The following CTNND2 variants were observed in gnomAD, a reference collection of about 807,000 sequenced individuals.
The protein encoded by CTNND2 is catenin delta 2, also known as catenin delta-2.
CTNND2 carries 22 observed loss-of-function variants against 144.4 expected under a neutral mutation model. That is an observed-to-expected ratio of 0.15 (90% CI 0.11 to 0.22). The LOEUF (loss-of-function observed/expected upper bound fraction) is 0.22, where lower values mean the gene tolerates loss of function less well. CTNND2 is among the 10% of genes least tolerant of loss of function. The pLI is 1.00. For missense variants in CTNND2, 1,353 were observed against 1,618.8 expected, an observed-to-expected ratio of 0.84 and a Z score of 2.82; for synonymous variants, 751 against 695.6, an observed-to-expected ratio of 1.08 and a Z score of -1.25.
At chr5:11,341,306 C>A (rs1291519048) in intron 9 of CTNND2, among the ~76,000 whole-genome samples, 1 of 152,166 alleles carries the variant, frequency 6.6e-6, no homozygotes, top group African/African-American at 2.4e-5. Flanking sequence ...TAAACTAGTG[C>A]ATAAGGCTTG....
intron 1 of CTNND2, among the ~76,000 whole-genome samples, chr5:11,803,224 G>A (rs1288712684): frequency 3.3e-5 from 5 of 152,132 alleles, no homozygotes; most frequent in African/African-American, 1.2e-4. Flanking sequence ...GGAGGCTGAG[G>A]CAGGAGAATC....
intron 1 of CTNND2, among the ~76,000 whole-genome samples, chr5:11,836,948 G>A (rs1794216878): frequency 6.6e-6 from 1 of 152,188 alleles, no homozygotes; most frequent in East Asian, 1.9e-4. Context: ...GCCGCTCTGG[G>A]AAAGGTGGTC....
chr5:11,364,662 G>T (rs1211119967), intron 8 of CTNND2, 34 bp downstream of exon 8: 3 of 1,563,968 alleles, frequency 1.9e-6, no homozygotes, highest in South Asian at 1.2e-5. Context: ...CACCCCCTGT[G>T]GACAGGCCAC....
rs1193673592 is a variant in CTNND2, at chr5:11,874,077, A to G, written c.37+29740T>C. On this transcript the variant is annotated intron_variant, in intron 1 of 21. Coordinates refer to ENST00000304623, the MANE Select transcript of CTNND2 (RefSeq NM_001332.4). ...ATATTTACAGCCTTAGTTTGAGAGC[A>G]AAGAAAAACAAACAGAAACGCTGGA... Among the ~76,000 whole-genome samples, 3 of 143,454 alleles carry G rather than the reference A, an allele frequency of 2.1e-5. No homozygotes were observed. The Admixed American group carries it at 2.1e-4, about 10-fold the overall frequency. The allele number at this position is 143,454 out of a possible 152,430, so 94.1% of individuals were successfully genotyped here.
At chr5:11,227,912 A>G (rs1372930609) in intron 10 of CTNND2, among the ~76,000 whole-genome samples, 1 of 152,184 alleles carries the variant, frequency 6.6e-6, no homozygotes, top group East Asian at 1.9e-4. Flanking sequence ...TTTTCTGGCA[A>G]CTTCTAATTT....
intron 20 of CTNND2, among the ~76,000 whole-genome samples, chr5:10,987,032 C>G (rs1213534524): frequency 6.6e-6 from 1 of 151,940 alleles, no homozygotes; most frequent in Non-Finnish European, 1.5e-5. Context: ...TTTATGAATG[C>G]TCTAACATGG....
Position 11,042,549 on chromosome 5 carries a change from T to C in CTNND2, c.2789-19570A>G, listed in dbSNP as rs149255684. 2.0e-5 allele frequency among the ~76,000 whole-genome samples: 3 copies of C among 152,374 alleles called. No individual in the cohort carries two copies. In the East Asian group the frequency reaches 5.8e-4, roughly 29 times the overall value. On this transcript the variant is annotated intron_variant, in intron 16 of 21. Coordinates refer to ENST00000304623, the MANE Select transcript of CTNND2 (RefSeq NM_001332.4). Reference sequence around the variant, plus strand: ...TGGTTCTCAAACAGAGGAAGTTCACTGTACGAAACTCATGTAATTTTGTTG... The same window carrying C: ...TGGTTCTCAAACAGAGGAAGTTCACCGTACGAAACTCATGTAATTTTGTTG...
chr5:11,073,339 T>C (rs1311547824), intron 16 of CTNND2, among the ~76,000 whole-genome samples: 1 of 152,228 alleles, frequency 6.6e-6, no homozygotes. Flanking sequence ...TCCTCTTTTC[T>C]AAAGCTTTTC....
chr5:11,776,179 C>CA (rs1464014048), intron 1 of CTNND2, among the ~76,000 whole-genome samples: 1 of 152,054 alleles, frequency 6.6e-6, no homozygotes, highest in African/African-American at 2.4e-5. Context: ...TAGTAGGAAA[C>CA]AAATACAGCT....
chr5:11,121,583 T>C (rs953768093), intron 12 of CTNND2, among the ~76,000 whole-genome samples: 15 of 148,672 alleles, frequency 1.0e-4, no homozygotes, highest in Admixed American at 9.9e-4. Context: ...AATGAAACAA[T>C]TCATTTTTAT....
chr5:11,878,267 A>G (rs1351160906), intron 1 of CTNND2, among the ~76,000 whole-genome samples: 1 of 152,114 alleles, frequency 6.6e-6, no homozygotes, highest in Non-Finnish European at 1.5e-5. Context: ...AATATTACAC[A>G]TTTTCTGGCT....
intron 3 of CTNND2, among the ~76,000 whole-genome samples, chr5:11,523,078 C>A (rs1379592295): frequency 6.6e-6 from 1 of 152,120 alleles, no homozygotes; most frequent in African/African-American, 2.4e-5. Context: ...AGTTTTTCTA[C>A]AAAAGTTTCC....
Position 11,071,660 on chromosome 5 carries a change from G to A in CTNND2, c.2788+11036C>T, listed in dbSNP as rs77711675. Among the ~76,000 whole-genome samples the A allele has an allele frequency of 2.4e-3, 362 of 152,116 alleles. 15 individuals carry two copies. In the East Asian group the frequency reaches 0.061, roughly 25 times the overall value. On this transcript the variant is annotated intron_variant, in intron 16 of 21. Coordinates refer to ENST00000304623, the MANE Select transcript of CTNND2 (RefSeq NM_001332.4). ...GTCTGTAACTGGAGTACCTTGCAAA[G>A]GTAAGCGTGGCAGCAGTGATGTGGG...
intron 1 of CTNND2, among the ~76,000 whole-genome samples, chr5:11,814,509 A>G (rs769976927): frequency 1.3e-5 from 2 of 152,270 alleles, no homozygotes; most frequent in Non-Finnish European, 2.9e-5. Flanking sequence ...AGAAATGGTG[A>G]CAGCACATGT....
At chr5:11,380,246 C>T (rs1394851143) in intron 7 of CTNND2, among the ~76,000 whole-genome samples, 1 of 152,162 alleles carries the variant, frequency 6.6e-6, no homozygotes, top group Non-Finnish European at 1.5e-5. Context: ...ATATGCCCAA[C>T]ACAGACACTG....
chr5:11,049,773 C>T (rs2149580035), intron 16 of CTNND2, among the ~76,000 whole-genome samples: 1 of 152,314 alleles, frequency 6.6e-6, no homozygotes, highest in African/African-American at 2.4e-5. Flanking sequence ...GCAAAAGCAA[C>T]ATAAAAAGTG....
chr5:11,710,527 G>A (rs1296225586), intron 2 of CTNND2, among the ~76,000 whole-genome samples: 3 of 143,142 alleles, frequency 2.1e-5, no homozygotes, highest in Non-Finnish European at 4.5e-5. Context: ...GGCCAAAGGC[G>A]AGACTCCATC....
chr5:11,444,357 C>T (rs766278352), intron 3 of CTNND2, among the ~76,000 whole-genome samples: 2 of 152,026 alleles, frequency 1.3e-5, no homozygotes, highest in Non-Finnish European at 1.5e-5. Flanking sequence ...CAATGAGCCA[C>T]GAAAAAACAA....
At chr5:11,010,786 G>A (rs1006736417) in intron 18 of CTNND2, among the ~76,000 whole-genome samples, 2 of 152,224 alleles carry the variant, frequency 1.3e-5, no homozygotes, top group Admixed American at 1.3e-4. Flanking sequence ...AGCCTGGTGT[G>A]AGACAGGCCA....
Sources: gnomAD v4.1 joint callset for allele counts (sites outside exome capture counted in the v4.1 genomes callset) on GRCh38, gnomAD v4.1.1 for gene constraint, MANE v1.5 for transcripts, NCBI Gene and HGNC (gene_info 2026-07-23, HGNC 2026-07-21) for gene names.